Variants in PAPPA2 observed in about 807,000 individuals in gnomAD.
The protein encoded by PAPPA2 is pappalysin-2.
PAPPA2 carries 86 observed loss-of-function variants against 176.4 expected under a neutral mutation model. The ratio of observed to expected loss-of-function variants is 0.49; its 90% CI spans 0.41 to 0.58. The LOEUF is 0.58. PAPPA2 is among the 20% of genes least tolerant of loss of function. PAPPA2 has a pLI of 0.00. For synonymous variants in PAPPA2, 809 were observed against 852.2 expected, an observed-to-expected ratio of 0.95 and a Z score of 0.88; for missense variants, 2,073 against 2,256.9, an observed-to-expected ratio of 0.92 and a Z score of 1.65.
In PAPPA2 at chr1:176,783,260, T is replaced by C. The variant is rs550830234; in HGVS notation, c.4716-6549T>C. On this transcript the variant is annotated intron_variant, in intron 17 of 22. Transcript: ENST00000367662. ...TATTGTTTTTCTGTTGTTGTTATTA[T>C]TCCTGAGGGAGTACCCACTGGAGAC... 5.3e-5 allele frequency among the ~76,000 whole-genome samples: 8 copies of C among 152,332 alleles called. 1 individual carries two copies. In the East Asian group the frequency reaches 1.4e-3, roughly 26 times the overall value.
chr1:176,566,042 C>A (rs1312154815), intron 2 of PAPPA2, among the ~76,000 whole-genome samples: 3 of 152,156 alleles, frequency 2.0e-5, no homozygotes, highest in African/African-American at 7.2e-5. Context: ...TTAGAAGTCA[C>A]AATGCATCAG....
chr1:176,772,494 A>G (rs1488268619), intron 17 of PAPPA2, among the ~76,000 whole-genome samples: 1 of 152,092 alleles, frequency 6.6e-6, no homozygotes, highest in Non-Finnish European at 1.5e-5. Flanking sequence ...CCATGTTAAC[A>G]TTTGGCCATT....
chr1:176,746,683 C>T (rs917043493), intron 14 of PAPPA2, among the ~76,000 whole-genome samples: 2 of 152,122 alleles, frequency 1.3e-5, no homozygotes, highest in African/African-American at 4.8e-5. Context: ...AGTATAAATA[C>T]ACATTCTGAT....
chr1:176,530,262 C>T (rs1256126693), intron 1 of PAPPA2, among the ~76,000 whole-genome samples: 3 of 152,174 alleles, frequency 2.0e-5, no homozygotes, highest in Admixed American at 6.5e-5. Context: ...TCACATTTTC[C>T]TTGGGCTTTG....
intron 3 of PAPPA2, chr1:176,616,687 C>T: frequency 5.9e-6 from 9 of 1,523,984 alleles, no homozygotes; most frequent in African/African-American, 1.4e-5. Flanking sequence ...TTAAGCTCCT[C>T]TATAAATTTA....
At chr1:176,621,673 ATT>A (rs879703359) in intron 3 of PAPPA2, among the ~76,000 whole-genome samples, 1 of 147,176 alleles carries the variant, frequency 6.8e-6, no homozygotes, top group Admixed American at 6.8e-5. Context: ...GATGGCAACA[ATT>A]TTTTTTTTTT....
chr1:176,499,040 A>G (rs1226315419), intron 1 of PAPPA2, among the ~76,000 whole-genome samples: 1 of 152,040 alleles, frequency 6.6e-6, no homozygotes, highest in African/African-American at 2.4e-5. Flanking sequence ...CTAACTGGCA[A>G]CTAAGTGAGA....
chr1:176,834,353 A>G (rs914593488), intron 21 of PAPPA2, among the ~76,000 whole-genome samples: 2 of 152,238 alleles, frequency 1.3e-5, no homozygotes, highest in African/African-American at 2.4e-5. Context: ...ACATATTCCA[A>G]GAAGACTTGC....
chr1:176,806,410 T>G (rs528255371), intron 21 of PAPPA2, among the ~76,000 whole-genome samples: 1 of 152,204 alleles, frequency 6.6e-6, no homozygotes. Context: ...ACTTTGACTT[T>G]GAGAGTCTTA....
intron 4 of PAPPA2, among the ~76,000 whole-genome samples, chr1:176,675,597 ATAAAGTGC>A (rs1343400149): frequency 6.6e-6 from 1 of 152,108 alleles, no homozygotes; most frequent in Non-Finnish European, 1.5e-5. Flanking sequence ...GCTCTGAAAA[ATAAAGTGC>A]TGTGAAAATA....
intron 3 of PAPPA2, among the ~76,000 whole-genome samples, chr1:176,637,452 CTTGAGGT>C (rs1392144656): frequency 6.6e-6 from 1 of 152,102 alleles, no homozygotes; most frequent in Non-Finnish European, 1.5e-5. Flanking sequence ...CCATTGCTTA[CTTGAGGT>C]CTCTCATCTA....
At chr1:176,577,695 C>T (rs974947351) in intron 2 of PAPPA2, among the ~76,000 whole-genome samples, 1 of 151,828 alleles carries the variant, frequency 6.6e-6, no homozygotes, top group African/African-American at 2.4e-5. Flanking sequence ...TTTTTATTCC[C>T]CTCATGCTCT....
chr1:176,640,489 A>G (rs1657010891), intron 3 of PAPPA2, among the ~76,000 whole-genome samples: 1 of 151,766 alleles, frequency 6.6e-6, no homozygotes, highest in Non-Finnish European at 1.5e-5. Flanking sequence ...GATGATTTCC[A>G]ATTTCATCCA....
intron 3 of PAPPA2, among the ~76,000 whole-genome samples, chr1:176,666,658 A>C (rs1658673760): frequency 6.6e-6 from 1 of 151,264 alleles, no homozygotes; most frequent in South Asian, 2.1e-4. Context: ...CCAGTGATAG[A>C]GTTCATGATG....
chr1:176,496,625 C>T (rs1003188206), intron 1 of PAPPA2, among the ~76,000 whole-genome samples: 1 of 152,154 alleles, frequency 6.6e-6, no homozygotes, highest in African/African-American at 2.4e-5. Context: ...ACCCAGATTT[C>T]CTCTTTAGCT....
intron 3 of PAPPA2, among the ~76,000 whole-genome samples, chr1:176,668,254 T>G (rs1658778816): frequency 6.6e-6 from 1 of 152,166 alleles, no homozygotes; most frequent in African/African-American, 2.4e-5. Context: ...GGGATACATA[T>G]AGGTGAGTAT....
At chr1:176,618,768 G>A (rs2102688414) in intron 3 of PAPPA2, among the ~76,000 whole-genome samples, 1 of 152,168 alleles carries the variant, frequency 6.6e-6, no homozygotes, top group Middle Eastern at 3.4e-3. Context: ...AAGAGTAATG[G>A]GATTTGTATT....
rs1033161003 is a variant in PAPPA2 at position 176,842,695 on chromosome 1, G to C, written c.*241G>C. ...TTTAAAGTGGCAGTTGATTAACATG[G>C]AAGGGGAAATATGATAGATATATAA... is the stretch of plus-strand genomic sequence containing the variant. On this transcript the variant is annotated 3_prime_UTR_variant, in exon 23 of 23. Coordinates refer to ENST00000367662, the MANE Select transcript of PAPPA2 (RefSeq NM_020318.3). 1.9e-6 allele frequency: 1 copy of C among 515,000 alleles called. No homozygotes were observed. Among genetic ancestry groups the C allele is most frequent in the Non-Finnish European group, 3.5e-6 (1 of 286,990 alleles). 31.9% of individuals were successfully genotyped at this position (515,000 alleles called of 1,614,324 possible). A position where few individuals can be genotyped will look rare whatever the true frequency, so the allele number is the denominator to read the frequency against.
chr1:176,685,658 G>A (rs562378042), intron 4 of PAPPA2, among the ~76,000 whole-genome samples: 19 of 152,352 alleles, frequency 1.2e-4, no homozygotes, highest in African/African-American at 4.6e-4. Context: ...GCAGGGGAAT[G>A]CACAGTCCCT....
Sources: allele counts gnomAD v4.1 joint callset (sites outside exome capture counted in the v4.1 genomes callset), GRCh38; gene constraint gnomAD v4.1.1; transcripts MANE v1.5; gene names NCBI Gene and HGNC (gene_info 2026-07-23, HGNC 2026-07-21).